ATG7: variants seen among roughly 807,000 people sequenced by gnomAD.
The protein encoded by ATG7 is ubiquitin-like modifier-activating enzyme ATG7.
Under a neutral mutation model 82.4 loss-of-function variants are expected in ATG7, and 70 were observed. The ratio of observed to expected loss-of-function variants is 0.85; its 90% CI spans 0.70 to 1.04. The LOEUF (loss-of-function observed/expected upper bound fraction) is 1.04, where lower values mean the gene tolerates loss of function less well. Ranked by LOEUF, ATG7 falls within the 50% of genes least tolerant of loss-of-function variation. The pLI, the probability that ATG7 is intolerant of heterozygous loss-of-function variation, is 0.00. For missense variants in ATG7, 792 were observed against 864.3 expected (o/e 0.92, Z 1.05); for synonymous variants, 287 against 313.0 (o/e 0.92, Z 0.88).
At chr3:11,401,130 C>T (rs1187947666) in intron 19 of ATG7, among the ~76,000 whole-genome samples, 1 of 152,166 alleles carries the variant, frequency 6.6e-6, no homozygotes, top group Non-Finnish European at 1.5e-5. Context: ...AACTCTCAGA[C>T]CCCGCCCCAG....
chr3:11,433,432 A>G (rs2083091093), intron 20 of ATG7, among the ~76,000 whole-genome samples: 2 of 152,156 alleles, frequency 1.3e-5, no homozygotes, highest in South Asian at 4.1e-4. Context: ...CTATGAGTAG[A>G]ATAAGTATCA....
rs1213591182 is a variant in ATG7 at position 11,555,303 on chromosome 3, T to G, written c.*460T>G. On this transcript the variant is annotated 3_prime_UTR_variant, in exon 21 of 21. Coordinates refer to ENST00000693202, the MANE Select transcript of ATG7 (RefSeq NM_001349232.2). The stretch of plus-strand genomic sequence containing the variant: ...CTCCTGTGGGGGCCCTGGGCATGGG[T>G]GAGGGTGGGACCCCGTGAGCGCACT... 6.1e-6 allele frequency: 1 copy of G among 163,574 alleles called. No individual in the cohort carries two copies. The highest frequency in any genetic ancestry group is 1.3e-5 in the Non-Finnish European group (1 of 75,788). The allele number at this position is 163,574 out of a possible 1,614,324, so 10.1% of individuals were successfully genotyped here.
At chr3:11,395,709 A>G (rs887957527) in intron 19 of ATG7, among the ~76,000 whole-genome samples, 4 of 151,186 alleles carry the variant, frequency 2.6e-5, no homozygotes, top group Admixed American at 6.6e-5. Flanking sequence ...GGGAGGCCGA[A>G]GCGGGCAGAT....
chr3:11,502,262 C>T lies in ATG7; in HGVS notation c.2080-52549C>T, dbSNP rs531964191. Among the ~76,000 whole-genome samples, 29 of 150,388 alleles carry T rather than the reference C, an allele frequency of 1.9e-4. No homozygotes were observed. In the South Asian group the frequency reaches 3.2e-3, roughly 16 times the overall value. On this transcript the variant is annotated intron_variant, in intron 20 of 20. Coordinates refer to ENST00000693202, the MANE Select transcript of ATG7 (RefSeq NM_001349232.2). ...ATTATACTTTAAGTTTTAGGGTACA[C>T]GTGCACATTGTGCAGGTTAGTTACA...
At chr3:11,576,113 G>A in the ATG7 span, among the ~76,000 whole-genome samples, 4 of 152,188 alleles carry the variant, frequency 2.6e-5, no homozygotes, top group South Asian at 2.1e-4. Context: ...GAACATGACC[G>A]GTAAAGCATC....
chr3:11,312,051 A>G (rs933570126), intron 7 of ATG7, among the ~76,000 whole-genome samples: 2 of 151,718 alleles, frequency 1.3e-5, no homozygotes, highest in Non-Finnish European at 2.9e-5. Flanking sequence ...AATATGTATG[A>G]GATTTCTTTT....
rs376918738 is a variant in ATG7, at chr3:11,452,116, C to A, written c.2079+25190C>A. ...GAATGTTCTGGAGCCAGGTGTGGTG[C>A]CTCACATCTGTAATCCCAGTACTTT... On this transcript the variant is annotated intron_variant, in intron 20 of 20. Coordinates refer to ENST00000693202, the MANE Select transcript of ATG7 (RefSeq NM_001349232.2). Among the ~76,000 whole-genome samples, 5 of 151,782 alleles carry A rather than the reference C, an allele frequency of 3.3e-5. No homozygotes were observed. In the East Asian group the frequency reaches 7.8e-4, roughly 24 times the overall value.
intron 19 of ATG7, among the ~76,000 whole-genome samples, chr3:11,408,111 A>G (rs1419810791): frequency 6.6e-6 from 1 of 152,198 alleles, no homozygotes; most frequent in African/African-American, 2.4e-5. Flanking sequence ...ACAGAACCCA[A>G]GTTACCTCTT....
At chr3:11,417,815 ATTTT>A (rs372904207) in intron 19 of ATG7, among the ~76,000 whole-genome samples, 7,216 of 64,806 alleles carry the variant, frequency 0.11, 312 homozygotes, top group Non-Finnish European at 0.18. Context: ...ATTTTATTTT[ATTTT>A]TTTTTTTTTT....
chr3:11,374,366 A>G (rs2077236322), intron 18 of ATG7, among the ~76,000 whole-genome samples: 1 of 152,266 alleles, frequency 6.6e-6, no homozygotes, highest in African/African-American at 2.4e-5. Context: ...GTATGGAGAC[A>G]GCAGCATTCC....
chr3:11,276,042 ATTACAC>A (rs1256246340), intron 1 of ATG7, among the ~76,000 whole-genome samples: 1 of 152,142 alleles, frequency 6.6e-6, no homozygotes, highest in Non-Finnish European at 1.5e-5. Context: ...TTTTGACACT[ATTACAC>A]TAGTGTGCCA....
chr3:11,538,704 AAATT>A (rs1559815379), intron 20 of ATG7, among the ~76,000 whole-genome samples: 1 of 105,748 alleles, frequency 9.5e-6, no homozygotes, highest in Non-Finnish European at 2.0e-5. Flanking sequence ...AAAAAAAAAA[AAATT>A]AGCCAAAAAA....
At chr3:11,521,037 G>A (rs1190211912) in intron 20 of ATG7, among the ~76,000 whole-genome samples, 1 of 152,200 alleles carries the variant, frequency 6.6e-6, no homozygotes, top group African/African-American at 2.4e-5. Context: ...GTGGACAGCT[G>A]TAGACCATTG....
At chr3:11,468,822 C>A (rs1186561895) in intron 20 of ATG7, among the ~76,000 whole-genome samples, 1 of 152,196 alleles carries the variant, frequency 6.6e-6, no homozygotes, top group South Asian at 2.1e-4. Context: ...AGACTCTCAA[C>A]AGATACCATC....
At chr3:11,416,560 A>G (rs2081389745) in intron 19 of ATG7, among the ~76,000 whole-genome samples, 1 of 152,172 alleles carries the variant, frequency 6.6e-6, no homozygotes, top group Admixed American at 6.5e-5. Context: ...TGAAAAGGAT[A>G]ATAAAGGAAT....
chr3:11,317,062 G>T (rs1949516006), intron 9 of ATG7, among the ~76,000 whole-genome samples: 1 of 152,022 alleles, frequency 6.6e-6, no homozygotes, highest in African/African-American at 2.4e-5. Context: ...GGATGGTCTT[G>T]ATCTCCTGGC....
intron 19 of ATG7, among the ~76,000 whole-genome samples, chr3:11,417,801 TTTTA>T (rs369742938): frequency 3.4e-5 from 1 of 29,676 alleles, no homozygotes; most frequent in Middle Eastern, 0.014. Context: ...ATTATTATTA[TTTTA>T]TTTTATTTTA....
At chr3:11,468,032 A>G (rs1365925027) in intron 20 of ATG7, among the ~76,000 whole-genome samples, 2 of 152,166 alleles carry the variant, frequency 1.3e-5, no homozygotes, top group Non-Finnish European at 2.9e-5. Flanking sequence ...TCTATTTCCA[A>G]AAGATGCTTA....
intron 18 of ATG7, among the ~76,000 whole-genome samples, chr3:11,378,883 G>A (rs1410691087): frequency 6.6e-6 from 1 of 151,856 alleles, no homozygotes; most frequent in Admixed American, 6.6e-5. Context: ...GGGATTTGAG[G>A]GAGAGGGCAT....
Sources: allele counts gnomAD v4.1 joint callset (sites outside exome capture counted in the v4.1 genomes callset), GRCh38; gene constraint gnomAD v4.1.1; transcripts MANE v1.5; gene names NCBI Gene and HGNC (gene_info 2026-07-23, HGNC 2026-07-21).